Variants in MTF1 observed in about 807,000 individuals in gnomAD.
The protein encoded by MTF1 is metal regulatory transcription factor 1, also known as MRE-binding transcription factor.
MTF1 carries 22 observed loss-of-function variants against 70.4 expected under a neutral mutation model. The ratio of observed to expected loss-of-function variants is 0.31; its 90% CI spans 0.22 to 0.45. The LOEUF is 0.45. Among genes scored for constraint, MTF1 ranks in the 20% least tolerant of loss-of-function variants. The probability of loss-of-function intolerance (pLI) is 1.00; values close to 1 mark genes in which losing one functional copy is unlikely to be tolerated. For missense variants in MTF1, 649 were observed against 922.0 expected, an observed-to-expected ratio of 0.70 and a Z score of 3.83; for synonymous variants, 333 against 352.8, an observed-to-expected ratio of 0.94 and a Z score of 0.63.
chr1:37,850,566 AAGAGAGAGAG>A (rs59048233), intron 2 of MTF1, among the ~76,000 whole-genome samples: 22 of 146,640 alleles, frequency 1.5e-4, no homozygotes, highest in African/African-American at 5.3e-4. Flanking sequence ...GGGAGAGAGA[AAGAGAGAGAG>A]AGAGAGAGAG....
At chr1:37,826,233 T>C (rs1363501632) in intron 7 of MTF1, among the ~76,000 whole-genome samples, 3 of 152,280 alleles carry the variant, frequency 2.0e-5, no homozygotes, top group South Asian at 2.1e-4. Context: ...TCCACCAATC[T>C]AGAAGTGCTC....
chr1:37,832,239 A>G lies in MTF1; in HGVS notation c.1068+6T>C. 6.2e-7 allele frequency: 1 copy of G among 1,600,174 alleles called. No individual in the cohort carries two copies. The highest frequency in any genetic ancestry group is 1.3e-5 in the African/African-American group (1 of 74,814). On this transcript the variant is annotated splice_donor_region_variant and intron_variant, in intron 7 of 10. Coordinates refer to ENST00000373036, the MANE Select transcript of MTF1 (RefSeq NM_005955.3). ...TTTCTAGCACTGGTATTACAGGTAC[A>G]CTTACCGTACTGGAATTTTCTCGCA...
chr1:37,817,497 AGAAAT>A lies in MTF1; in HGVS notation c.1768-20_1768-16del. ...GATGCTTGCTGCTGAAAAAAGAAAAAGAAATCTCATTTATAGCCACTGTAATATGG... is the reference window on the plus strand; with the variant it reads ...GATGCTTGCTGCTGAAAAAAGAAAAACTCATTTATAGCCACTGTAATATGG... On this transcript the variant is annotated splice_polypyrimidine_tract_variant and intron_variant, in intron 9 of 10. Coordinates refer to ENST00000373036, the MANE Select transcript of MTF1 (RefSeq NM_005955.3). 6.3e-7 allele frequency: 1 copy of A among 1,599,092 alleles called. No individual in the cohort carries two copies. Among genetic ancestry groups the A allele is most frequent in the Non-Finnish European group, 8.6e-7 (1 of 1,166,416 alleles).
At chr1:37,832,640 C>T (rs929040229) in intron 6 of MTF1, among the ~76,000 whole-genome samples, 4 of 152,224 alleles carry the variant, frequency 2.6e-5, no homozygotes, top group South Asian at 2.1e-4. Flanking sequence ...TGCCCCACCC[C>T]GTGAATTAGT....
In MTF1 at chr1:37,812,162, C is replaced by G. The variant is rs540248189; in HGVS notation, c.*2974G>C. The stretch of plus-strand genomic sequence containing the variant: ...GGCTTGATTTTTACCTGCTAGAATT[C>G]TACAAATCCTCCCTAACCTCACCCT... On this transcript the variant is annotated 3_prime_UTR_variant, in exon 11 of 11. Transcript: ENST00000373036. 3.7e-4 allele frequency: 56 copies of G among 152,376 alleles called. No individual in the cohort carries two copies. The highest frequency in any genetic ancestry group is 6.3e-4 in the Non-Finnish European group (43 of 68,012). The allele number at this position is 152,376 out of a possible 1,614,324, so 9.4% of individuals were successfully genotyped here.
At chr1:37,839,615 C>A (rs1041195066) in intron 3 of MTF1, among the ~76,000 whole-genome samples, 1 of 152,106 alleles carries the variant, frequency 6.6e-6, no homozygotes, top group African/African-American at 2.4e-5. Flanking sequence ...GTACTCTATG[C>A]CAAGCACTGA....
At chr1:37,816,865 C>G (rs1216065464) in intron 10 of MTF1, among the ~76,000 whole-genome samples, 1 of 151,852 alleles carries the variant, frequency 6.6e-6, no homozygotes, top group African/African-American at 2.4e-5. Context: ...GTCTCAAAAA[C>G]AAAACAAAAC....
chr1:37,829,313 A>G (rs1403362544), intron 7 of MTF1, among the ~76,000 whole-genome samples: 2 of 151,920 alleles, frequency 1.3e-5, no homozygotes, highest in African/African-American at 2.4e-5. Flanking sequence ...ATTAGAAAAT[A>G]CCACCACCAC....
At chr1:37,823,212 G>A (rs1640945733) in intron 8 of MTF1, among the ~76,000 whole-genome samples, 1 of 152,010 alleles carries the variant, frequency 6.6e-6, no homozygotes, top group Non-Finnish European at 1.5e-5. Flanking sequence ...GAGGCGGGTG[G>A]ATTGCCTAAG....
In MTF1 at chr1:37,815,708, C is replaced by G. The variant is rs1640809821; in HGVS notation, c.1832-142G>C. ...TTGCCACACTTCGGGCTTCGTTCTG[C>G]TTTAAATTGGACCACATGCCCTCTG... On this transcript the variant is annotated intron_variant, in intron 10 of 10. Transcript: ENST00000373036. The surrounding 1 kb of genome is among the most constrained non-coding windows in gnomAD (Gnocchi z 4.5). 1.7e-6 allele frequency: 1 copy of G among 602,980 alleles called. No individual in the cohort carries two copies. Among genetic ancestry groups the G allele is most frequent in the Non-Finnish European group, 2.8e-6 (1 of 358,796 alleles). 37.4% of individuals were successfully genotyped at this position (602,980 alleles called of 1,614,324 possible).
At position 37,825,421 on chromosome 1, in the gene MTF1, G is replaced by A. The variant is rs185972063; in HGVS notation, c.1069-1609C>T. ...TGGATGATTTTTTAATTTTTCTGTA[G>A]AGATAGGGTTTTACTATGTTGTCCA... On this transcript the variant is annotated intron_variant, in intron 7 of 10. Coordinates refer to ENST00000373036, the MANE Select transcript of MTF1 (RefSeq NM_005955.3). Among the ~76,000 whole-genome samples the A allele has an allele frequency of 3.9e-5, 6 of 152,156 alleles. No homozygotes were observed. In the East Asian group the frequency reaches 1.2e-3, roughly 29 times the overall value.
At position 37,829,677 on chromosome 1, in the gene MTF1, G is replaced by T. The variant is rs555797772; in HGVS notation, c.1068+2568C>A. ...GCGGGCGCCTGTAGGCCCAGCTACTGGGGAGGCTGAGGCAGGAGAATGGCG... is the reference window on the plus strand; with the variant it reads ...GCGGGCGCCTGTAGGCCCAGCTACTTGGGAGGCTGAGGCAGGAGAATGGCG... On this transcript the variant is annotated intron_variant, in intron 7 of 10. Transcript: ENST00000373036. Among the ~76,000 whole-genome samples, 16 of 151,980 alleles carry T rather than the reference G, an allele frequency of 1.1e-4. No individual in the cohort carries two copies. In the East Asian group the frequency reaches 3.1e-3, roughly 30 times the overall value.
At chr1:37,838,574 G>A (rs1488192701) in intron 4 of MTF1, 51 bp downstream of exon 4, 2 of 1,537,158 alleles carry the variant, frequency 1.3e-6, no homozygotes, top group East Asian at 4.6e-5. Context: ...AGTATATCAA[G>A]ACCCCCAGCT....
Position 37,840,566 on chromosome 1 carries a change from G to A in MTF1, c.409-408C>T. 1 of 444,946 alleles carries A rather than the reference G, an allele frequency of 2.2e-6. No individual in the cohort carries two copies. The highest frequency in any genetic ancestry group is 1.6e-5 in the South Asian group (1 of 61,382). The allele number at this position is 444,946 out of a possible 1,614,324, so 27.6% of individuals were successfully genotyped here. The stretch of plus-strand genomic sequence containing the variant: ...ATTGGAATTACCAATATTAAATTGA[G>A]TTTAAAACATCTGGAAATTTACATA... On this transcript the variant is annotated intron_variant, in intron 2 of 10. Coordinates refer to ENST00000373036, the MANE Select transcript of MTF1 (RefSeq NM_005955.3). This position sits in a 1 kb window ranked among gnomAD's most constrained non-coding sequence, Gnocchi z 4.5.
chr1:37,820,376 G>A (rs1047385783), intron 9 of MTF1, among the ~76,000 whole-genome samples: 82 of 152,216 alleles, frequency 5.4e-4, no homozygotes, highest in Middle Eastern at 3.2e-3. Flanking sequence ...CCTCAACGCA[G>A]TGGCCAAGAG....
chr1:37,857,305 A>G lies in MTF1; in HGVS notation c.354T>C (p.Ile118=). Residue 118 remains isoleucine (I), a synonymous_variant, in exon 2 of 11, where the codon ATT becomes ATC. Transcript: ENST00000373036. The part of the protein sequence containing the change: ...NPGSTPMPRN[I]EGATLTLQSE... The stretch of plus-strand genomic sequence containing the variant: ...ACTGCAGAGTGAGGGTTGCACCTTC[A>G]ATATTTCTTGGCATGGGTGTGGAAC... The G allele has an allele frequency of 9.9e-6, 16 of 1,614,142 alleles. No individual in the cohort carries two copies. The highest frequency in any genetic ancestry group is 1.4e-5 in the Non-Finnish European group (16 of 1,180,028).
At position 37,817,456 on chromosome 1, in the gene MTF1, C is replaced by T; in HGVS notation, c.1794G>A (p.Val598=). 1 of 1,612,950 alleles carries T rather than the reference C, an allele frequency of 6.2e-7. No individual in the cohort carries two copies. The highest frequency in any genetic ancestry group is 8.5e-7 in the Non-Finnish European group (1 of 1,178,928). Residue 598 remains valine (V), a synonymous_variant, in exon 10 of 11, where the codon GTG becomes GTA. Transcript: ENST00000373036. ...CTACTGGTACTGCAGTGGTAAAAAA[C>T]ACCTTCTCAACTTTAGATGCTTGCT... is the stretch of plus-strand genomic sequence containing the variant. ...QIQQASKVEK[V]FFTTAVPVAS...
intron 2 of MTF1, among the ~76,000 whole-genome samples, chr1:37,850,864 G>A (rs557310287): frequency 3.5e-4 from 53 of 152,132 alleles, no homozygotes; most frequent in African/African-American, 1.2e-3. Context: ...AAGCTGCTTG[G>A]GAAGCCAAGA....
intron 10 of MTF1, among the ~76,000 whole-genome samples, chr1:37,817,124 A>G (rs891346568): frequency 6.6e-6 from 1 of 152,260 alleles, no homozygotes; most frequent in Non-Finnish European, 1.5e-5. Flanking sequence ...TGCCCTCTTT[A>G]GCATTAGCTG....
Sources: gnomAD v4.1 joint callset for allele counts (sites outside exome capture counted in the v4.1 genomes callset) on GRCh38, gnomAD v4.1.1 for gene constraint, Gnocchi (gnomAD v3.1) non-coding constraint, MANE v1.5 for transcripts, NCBI Gene and HGNC (gene_info 2026-07-23, HGNC 2026-07-21) for gene names.